The following TMC5 variants were observed in gnomAD, a reference collection of about 807,000 sequenced individuals.
The protein encoded by TMC5 is transmembrane channel-like protein 5.
Under a neutral mutation model 110.5 loss-of-function variants are expected in TMC5, and 86 were observed. The observed-to-expected ratio is 0.78, with a 90% CI of 0.65 to 0.93. The LOEUF (loss-of-function observed/expected upper bound fraction) is 0.93. Ranked by LOEUF, TMC5 falls within the 40% of genes least tolerant of loss-of-function variation. The pLI is 0.00. For missense variants in TMC5, 1,144 were observed against 1,222.8 expected (o/e 0.94, Z 0.96); for synonymous variants, 455 against 439.5 (o/e 1.04, Z -0.44).
intron 1 of TMC5, among the ~76,000 whole-genome samples, chr16:19,428,973 G>A (rs550008250): frequency 1.3e-5 from 2 of 151,924 alleles, no homozygotes; most frequent in South Asian, 2.1e-4. Flanking sequence ...TTACAGGTGC[G>A]AGCCACCACG....
rs1477802182 is a variant in TMC5, at chr16:19,492,150, A to T, written c.2748A>T (p.Leu916=). 1.9e-6 allele frequency: 3 copies of T among 1,610,614 alleles called. No individual in the cohort carries two copies. The highest frequency in any genetic ancestry group is 2.2e-5 in the South Asian group (2 of 90,870). ...CATTCTTTCTTTTCTCCTCTTCCAG[A>T]ATCATCACCTATCTTTACTGGCAGA... ...HFFFILTLIV[L]IITYLYWQIT... is the part of the protein sequence containing the mutation. The change falls in exon 19 of 22, where the codon CTA becomes CTT. Residue 916 remains leucine, a splice_region_variant and synonymous_variant. Coordinates refer to ENST00000542583, the MANE Select transcript of TMC5 (RefSeq NM_001261841.2).
chr16:19,434,589 G>A (rs1037970366), intron 2 of TMC5, among the ~76,000 whole-genome samples: 1 of 151,204 alleles, frequency 6.6e-6, no homozygotes, highest in Non-Finnish European at 1.5e-5. Context: ...CTCCCAAAGT[G>A]CTGGAATTAC....
intron 20 of TMC5, among the ~76,000 whole-genome samples, chr16:19,496,721 C>T (rs1201185442): frequency 2.0e-5 from 3 of 150,628 alleles, no homozygotes; most frequent in Non-Finnish European, 3.0e-5. Flanking sequence ...CCTGTCTCTA[C>T]TAAAAATAAA....
intron 8 of TMC5, among the ~76,000 whole-genome samples, chr16:19,465,365 C>A (rs1968160830): frequency 6.6e-6 from 1 of 152,034 alleles, no homozygotes; most frequent in Non-Finnish European, 1.5e-5. Context: ...AAAACCCCAT[C>A]TCTACTTAAA....
chr16:19,451,129 G>T (rs1597181326), intron 5 of TMC5, among the ~76,000 whole-genome samples: 1 of 152,128 alleles, frequency 6.6e-6, no homozygotes, highest in African/African-American at 2.4e-5. Context: ...GTGAGACCCT[G>T]TCTCAAAATC....
intron 12 of TMC5, among the ~76,000 whole-genome samples, chr16:19,475,657 C>A (rs1362471075): frequency 1.3e-5 from 2 of 152,136 alleles, no homozygotes; most frequent in African/African-American, 4.8e-5. Flanking sequence ...CTGGAATGTT[C>A]TTCCCACACA....
At chr16:19,430,797 G>A (rs185107419) in intron 2 of TMC5, among the ~76,000 whole-genome samples, 157 bp downstream of exon 2, 371 of 151,820 alleles carry the variant, frequency 2.4e-3, no homozygotes, top group Non-Finnish European at 4.6e-3. Flanking sequence ...ATCCTTAGAT[G>A]GCAAAACAGA....
Position 19,493,941 on chromosome 16 carries a change from T to C in TMC5, c.2827-321T>C, listed in dbSNP as rs548889096. On this transcript the variant is annotated intron_variant, in intron 19 of 21. Transcript: ENST00000542583. ...TGGGGCACGTGCCTATGGGGGATAC[T>C]GGAAACCATTTTTCCTGGGTATTGA... 3.9e-5 allele frequency among the ~76,000 whole-genome samples: 6 copies of C among 152,250 alleles called. No individual in the cohort carries two copies. The East Asian group carries it at 1.2e-3, about 29-fold the overall frequency.
chr16:19,455,456 A>G (rs1208504512), intron 5 of TMC5, among the ~76,000 whole-genome samples: 5 of 152,282 alleles, frequency 3.3e-5, no homozygotes, highest in East Asian at 1.9e-4. Flanking sequence ...TTAAAAAGCA[A>G]AAAAACAAGA....
intron 15 of TMC5, among the ~76,000 whole-genome samples, chr16:19,482,385 T>C (rs1175894946): frequency 6.6e-6 from 1 of 152,114 alleles, no homozygotes; most frequent in Non-Finnish European, 1.5e-5. Context: ...CCACCCAGTT[T>C]ATGGAGTTAT....
chr16:19,461,431 G>A (rs1597190922), intron 6 of TMC5, among the ~76,000 whole-genome samples: 1 of 151,966 alleles, frequency 6.6e-6, no homozygotes, highest in African/African-American at 2.4e-5. Context: ...AAACTTAGCC[G>A]GGTGTGGTGG....
At chr16:19,446,108 A>G (rs1597176707) in intron 4 of TMC5, among the ~76,000 whole-genome samples, 10 of 131,566 alleles carry the variant, frequency 7.6e-5, no homozygotes, top group South Asian at 2.7e-4. Flanking sequence ...GTGGAGGGGG[A>G]GAGAGGGAAG....
At chr16:19,469,096 G>A (rs888213773) in intron 9 of TMC5, among the ~76,000 whole-genome samples, 2 of 152,174 alleles carry the variant, frequency 1.3e-5, no homozygotes, top group East Asian at 3.8e-4. Context: ...TAAGTTGGTG[G>A]TCATTTGCTA....
Position 19,466,167 on chromosome 16 carries a change from T to G in TMC5, c.1571T>G (p.Met524Arg). The change falls in exon 9 of 22, where the codon ATG becomes AGG. Residue 524 changes from methionine (M) to arginine (R), a missense_variant. Transcript: ENST00000542583. The part of the protein sequence containing the change: ...QHGNSGASYN[M>R]QLAYIFTIGA... The stretch of plus-strand genomic sequence containing the variant: ...GGGAACAGCGGGGCATCCTACAACA[T>G]GCAGCTGGCCTACATCTTCACAATC... The G allele has an allele frequency of 1.2e-6, 2 of 1,614,152 alleles. No homozygotes were observed. The highest frequency in any genetic ancestry group is 8.5e-7 in the Non-Finnish European group (1 of 1,180,022).
chr16:19,469,317 G>C (rs1481859982), intron 9 of TMC5, among the ~76,000 whole-genome samples: 1 of 150,500 alleles, frequency 6.6e-6, no homozygotes, highest in East Asian at 1.9e-4. Flanking sequence ...TCACACCACT[G>C]CACTCCAGCC....
chr16:19,476,262 G>T (rs1968486094), intron 12 of TMC5, among the ~76,000 whole-genome samples: 1 of 152,086 alleles, frequency 6.6e-6, no homozygotes, highest in Non-Finnish European at 1.5e-5. Flanking sequence ...TGGGAGAAGT[G>T]CTTGAGCCCG....
intron 9 of TMC5, among the ~76,000 whole-genome samples, chr16:19,468,582 G>A (rs138307498): frequency 1.3e-5 from 2 of 152,256 alleles, no homozygotes; most frequent in Non-Finnish European, 2.9e-5. Flanking sequence ...TAAATGGGGA[G>A]ATTATCCTGG....
chr16:19,483,376 G>T (rs1371732421), intron 15 of TMC5, among the ~76,000 whole-genome samples: 1 of 152,240 alleles, frequency 6.6e-6, no homozygotes, highest in South Asian at 2.1e-4. Context: ...TAATTTGAAA[G>T]TATTGGATTT....
intron 15 of TMC5, among the ~76,000 whole-genome samples, chr16:19,486,658 A>G (rs574361376): frequency 6.6e-6 from 1 of 152,226 alleles, no homozygotes; most frequent in East Asian, 1.9e-4. Context: ...GATTACAGGC[A>G]TAAGCCACCG....
Sources: allele counts gnomAD v4.1 joint callset (sites outside exome capture counted in the v4.1 genomes callset), GRCh38; gene constraint gnomAD v4.1.1; transcripts MANE v1.5; gene names NCBI Gene and HGNC (gene_info 2026-07-23, HGNC 2026-07-21).